Variants in CDH18 observed in about 807,000 individuals in gnomAD.
CDH18 encodes the protein cadherin 18.
CDH18 carries 31 observed loss-of-function variants against 67.9 expected under a neutral mutation model. The observed-to-expected ratio is 0.46, with a 90% CI of 0.34 to 0.62. The LOEUF is 0.62. Ranked by LOEUF, CDH18 falls within the 20% of genes least tolerant of loss-of-function variation. The probability of loss-of-function intolerance (pLI) is 0.01; values close to 1 mark genes in which losing one functional copy is unlikely to be tolerated. For missense variants in CDH18, 890 were observed against 975.5 expected (o/e 0.91, Z 1.17); for synonymous variants, 362 against 347.2 (o/e 1.04, Z -0.48).
chr5:19,620,786 T>G (rs912755259), intron 5 of CDH18, among the ~76,000 whole-genome samples: 4 of 152,158 alleles, frequency 2.6e-5, no homozygotes, highest in Non-Finnish European at 5.9e-5. Context: ...CTGATATATT[T>G]AATAATCATA....
chr5:20,543,551 A>C (rs1275296075), intron 1 of CDH18, among the ~76,000 whole-genome samples: 1 of 152,146 alleles, frequency 6.6e-6, no homozygotes, highest in Non-Finnish European at 1.5e-5. Context: ...GAGATTGGCC[A>C]GAATAGAAAG....
chr5:20,575,247 T>TG (rs1334788976), intron 1 of CDH18, among the ~76,000 whole-genome samples: 6 of 151,086 alleles, frequency 4.0e-5, no homozygotes, highest in African/African-American at 1.5e-4. Flanking sequence ...ACCTTATTTT[T>TG]GAAAAAAAAA....
intron 2 of CDH18, among the ~76,000 whole-genome samples, chr5:19,996,956 C>T (rs913200797): frequency 6.6e-6 from 1 of 151,858 alleles, no homozygotes; most frequent in South Asian, 2.1e-4. Flanking sequence ...GCTAACAAAG[C>T]AATGATCTAG....
intron 2 of CDH18, among the ~76,000 whole-genome samples, chr5:20,207,212 A>G (rs1030599632): frequency 1.3e-5 from 2 of 152,014 alleles, no homozygotes; most frequent in South Asian, 2.1e-4. Flanking sequence ...GAACAATGTG[A>G]AAAAAATTAA....
intron 2 of CDH18, among the ~76,000 whole-genome samples, chr5:19,918,719 G>A (rs1004595588): frequency 6.6e-6 from 1 of 151,986 alleles, no homozygotes; most frequent in African/African-American, 2.4e-5. Context: ...GATCTCAAAA[G>A]CATGAAATAA....
chr5:20,446,326 T>C (rs1043278410), intron 1 of CDH18, among the ~76,000 whole-genome samples: 22 of 152,126 alleles, frequency 1.4e-4, no homozygotes, highest in Non-Finnish European at 2.5e-4. Flanking sequence ...GCTGTCTTAG[T>C]GACAGCCTTG....
At chr5:19,929,485 T>C (rs1793448296) in intron 2 of CDH18, among the ~76,000 whole-genome samples, 1 of 152,064 alleles carries the variant, frequency 6.6e-6, no homozygotes, top group Non-Finnish European at 1.5e-5. Context: ...GAAGAATAAA[T>C]ATTTAGATGG....
chr5:20,259,979 A>G (rs1156399607), intron 1 of CDH18, among the ~76,000 whole-genome samples: 1 of 152,040 alleles, frequency 6.6e-6, no homozygotes, highest in African/African-American at 2.4e-5. Context: ...CAAACAAAAA[A>G]AAAATTGAGG....
intron 1 of CDH18, among the ~76,000 whole-genome samples, chr5:20,262,214 A>C (rs1744709543): frequency 2.0e-5 from 3 of 152,210 alleles, no homozygotes; most frequent in African/African-American, 7.2e-5. Flanking sequence ...GGAAACCATA[A>C]ATTGGGAGAG....
chr5:19,814,736 C>A (rs1432507675), intron 3 of CDH18, among the ~76,000 whole-genome samples: 1 of 151,730 alleles, frequency 6.6e-6, no homozygotes, highest in Non-Finnish European at 1.5e-5. Flanking sequence ...TGTATTAAAA[C>A]ATTTTCCTAG....
intron 2 of CDH18, among the ~76,000 whole-genome samples, chr5:20,204,710 C>A (rs989515314): frequency 1.3e-5 from 2 of 151,686 alleles, no homozygotes; most frequent in East Asian, 1.9e-4. Context: ...AAGAGGTAGG[C>A]AATATGCAAA....
chr5:20,406,419 C>A lies in CDH18; in HGVS notation c.-579-150914G>T, dbSNP rs188084055. ...GGACACAGGAAGGGGACCATCACACCCCGGGGCCTGTTGTGGGGGAGGGGG... is the reference window on the plus strand; with the variant it reads ...GGACACAGGAAGGGGACCATCACACACCGGGGCCTGTTGTGGGGGAGGGGG... On this transcript the variant is annotated intron_variant, in intron 1 of 14. Coordinates refer to the CDH18 transcript ENST00000507958. Among the ~76,000 whole-genome samples the A allele has an allele frequency of 1.6e-3, 238 of 150,000 alleles. 4 individuals carry two copies. In the East Asian group the frequency reaches 0.039, roughly 25 times the overall value.
chr5:20,223,900 A>T (rs960893068), intron 2 of CDH18, among the ~76,000 whole-genome samples: 15 of 152,128 alleles, frequency 9.9e-5, no homozygotes, highest in African/African-American at 3.6e-4. Flanking sequence ...TTAATTAAAC[A>T]TCTTTCCTTC....
chr5:19,914,457 C>G (rs1791525935), intron 2 of CDH18, among the ~76,000 whole-genome samples: 1 of 152,016 alleles, frequency 6.6e-6, no homozygotes, highest in African/African-American at 2.4e-5. Context: ...ACTTATCTAT[C>G]TATATACACA....
chr5:20,015,161 T>C (rs1460521767), intron 2 of CDH18, among the ~76,000 whole-genome samples: 1 of 152,154 alleles, frequency 6.6e-6, no homozygotes, highest in Non-Finnish European at 1.5e-5. Context: ...ATTACAAACC[T>C]TGGTTCAGAA....
intron 2 of CDH18, among the ~76,000 whole-genome samples, chr5:20,073,336 G>C (rs1174560687): frequency 2.0e-5 from 3 of 151,846 alleles, no homozygotes; most frequent in Non-Finnish European, 4.4e-5. Context: ...TGGAGCTGCA[G>C]TACCTTACCT....
intron 1 of CDH18, among the ~76,000 whole-genome samples, chr5:20,354,580 G>T (rs960452558): frequency 2.0e-5 from 3 of 152,016 alleles, no homozygotes; most frequent in Non-Finnish European, 2.9e-5. Context: ...TTTTGTACAG[G>T]CAGGGTCTTG....
At chr5:20,158,595 A>G (rs1751737527) in intron 2 of CDH18, 1 of 156,212 alleles carries the variant, frequency 6.4e-6, no homozygotes, top group African/African-American at 2.4e-5. Context: ...TATTCCTTAA[A>G]AAAACAAAAA....
At chr5:20,103,400 TAGA>T (rs1561792747) in intron 2 of CDH18, among the ~76,000 whole-genome samples, 1 of 151,948 alleles carries the variant, frequency 6.6e-6, no homozygotes, top group Non-Finnish European at 1.5e-5. Flanking sequence ...AAGTAGGAAG[TAGA>T]AGAATGATAC....
Sources: gnomAD v4.1 joint callset for allele counts (sites outside exome capture counted in the v4.1 genomes callset) on GRCh38, gnomAD v4.1.1 for gene constraint, MANE v1.5 for transcripts, NCBI Gene and HGNC (gene_info 2026-07-23, HGNC 2026-07-21) for gene names.